Variants in ESS2 observed in about 807,000 individuals in gnomAD.
ESS2 encodes the protein ess-2 spliceosome associated protein.
A neutral mutation model predicts 52.0 loss-of-function variants in ESS2; 31 were observed. The ratio of observed to expected loss-of-function variants is 0.60; its 90% CI spans 0.45 to 0.81. The LOEUF (loss-of-function observed/expected upper bound fraction) is 0.81, where lower values mean the gene tolerates loss of function less well. ESS2 is among the 30% of genes least tolerant of loss of function. The pLI, the probability that ESS2 is intolerant of heterozygous loss-of-function variation, is 0.00. For synonymous variants in ESS2, 285 were observed against 259.2 expected (o/e 1.10, Z -0.95); for missense variants, 602 against 637.2 (o/e 0.94, Z 0.59).
Position 19,134,419 on chromosome 22 carries a change from C to G in ESS2, c.1208G>C (p.Ser403Thr). The G allele has an allele frequency of 1.2e-6, 2 of 1,605,780 alleles. No individual in the cohort carries two copies. Among genetic ancestry groups the G allele is most frequent in the Non-Finnish European group, 1.7e-6 (2 of 1,175,934 alleles). ...GTCTGTGTACTTGCTGGCCGTCCTGCTCACAAGGCGCTGTAGGGCTGGCGA... is the reference window on the plus strand; with the variant it reads ...GTCTGTGTACTTGCTGGCCGTCCTGGTCACAAGGCGCTGTAGGGCTGGCGA... ...AMSPALQRLV[S>T]RTASKYTDRA... Residue 403 changes from serine to threonine, a missense_variant, in exon 10 of 10, where the codon AGC (serine) becomes ACC (threonine). Physicochemically the swap from Ser to Thr is moderately conservative, Grantham distance 58. Transcript: ENST00000252137.
chr22:19,142,921 C>G (rs1370857835), intron 1 of ESS2, 27 bp from the exon 2 acceptor site: 2 of 1,602,096 alleles, frequency 1.2e-6, no homozygotes, highest in Non-Finnish European at 1.7e-6. Context: ...GAATGAAAGT[C>G]AGAGGCCAGG....
In ESS2 at chr22:19,142,794, C is replaced by T. The variant is rs144603309; in HGVS notation, c.236G>A (p.Arg79Gln). The change falls in exon 2 of 10, where the codon CGG becomes CAG. Residue 79 changes from arginine to glutamine, a missense_variant. By Grantham distance (43) the Arg-to-Gln change is conservative. Transcript: ENST00000252137. Reference sequence around the variant, plus strand: ...AAACTTGATGGCAATCTGGCGCATCCGTTCCAAGTCTCCATTCTCCTCGGC... The same window carrying T: ...AAACTTGATGGCAATCTGGCGCATCTGTTCCAAGTCTCCATTCTCCTCGGC... ...LEAEENGDLE[R>Q]MRQIAIKFGS... is the part of the protein sequence containing the mutation. The T allele has an allele frequency of 6.2e-6, 10 of 1,614,048 alleles. No individual in the cohort carries two copies. The highest frequency in any genetic ancestry group is 8.5e-6 in the Non-Finnish European group (10 of 1,180,060).
intron 1 of ESS2, 90 bp downstream of exon 1, chr22:19,144,416 G>T (rs983423209): frequency 4.4e-6 from 7 of 1,587,284 alleles, no homozygotes; most frequent in Non-Finnish European, 6.0e-6. Context: ...ACGAGGAGAC[G>T]GAGTGTCAAC....
In ESS2 at chr22:19,142,650, G is replaced by A. The variant is rs2083709045; in HGVS notation, c.305-17C>T. 4 of 1,611,044 alleles carry A rather than the reference G, an allele frequency of 2.5e-6. No homozygotes were observed. The highest frequency in any genetic ancestry group is 3.4e-6 in the Non-Finnish European group (4 of 1,178,658). On this transcript the variant is annotated splice_polypyrimidine_tract_variant and intron_variant, in intron 2 of 9. Transcript: ENST00000252137. Reference sequence around the variant, plus strand: ...GAGTCACATCTAGGGGAAGAGAGGGGGATAAGAATTAGAGTGAGCCTGAAG... The same window carrying A: ...GAGTCACATCTAGGGGAAGAGAGGGAGATAAGAATTAGAGTGAGCCTGAAG...
In ESS2 at chr22:19,132,402, G is replaced by A; in HGVS notation, c.*1794C>T. ...GCCCGAGAACGAGAACAGGATGGAG[G>A]ACAGGCTGGCCGAGACCTCCAGGGC... On this transcript the variant is annotated 3_prime_UTR_variant, in exon 10 of 10. Coordinates refer to ENST00000252137, the MANE Select transcript of ESS2 (RefSeq NM_022719.3). The surrounding 1 kb of genome is among the most constrained non-coding windows in gnomAD (Gnocchi z 4.2). 6.2e-7 allele frequency: 1 copy of A among 1,613,026 alleles called. No individual in the cohort carries two copies. The highest frequency in any genetic ancestry group is 1.1e-5 in the South Asian group (1 of 91,078).
rs766791880 is a variant in ESS2, at chr22:19,139,244, T to C, written c.737A>G (p.His246Arg). Residue 246 changes from histidine to arginine, a missense_variant, in exon 6 of 10, where the codon CAT becomes CGT. Transcript: ENST00000252137. ...GTCCCTAAGGAAGCGCGTGTTCTTA[T>C]GTACCACCTGCCGGGGCTTCTTAAA... ...QLFKKPRQVV[H>R]KNTRFLRDPF... 6 of 1,608,094 alleles carry C rather than the reference T, an allele frequency of 3.7e-6. No homozygotes were observed. The highest frequency in any genetic ancestry group is 4.5e-5 in the East Asian group (2 of 44,742).
Position 19,131,183 on chromosome 22 carries a change from T to G in ESS2, c.*3013A>C. The G allele has an allele frequency of 3.7e-6, 2 of 541,620 alleles. No homozygotes were observed. Among genetic ancestry groups the G allele is most frequent in the Non-Finnish European group, 6.5e-6 (2 of 306,058 alleles). The allele number at this position is 541,620 out of a possible 1,614,324, so 33.6% of individuals were successfully genotyped here. ...CTGGCTTCCACGGTTCCAGAGACCC[T>G]GTTCTCCCTCAGCCCAGTCCCCGCC... On this transcript the variant is annotated 3_prime_UTR_variant, in exon 10 of 10. Transcript: ENST00000252137. This position sits in a 1 kb window ranked among gnomAD's most constrained non-coding sequence, Gnocchi z 5.7.
chr22:19,143,597 T>A (rs2083731876), intron 1 of ESS2, among the ~76,000 whole-genome samples: 2 of 152,186 alleles, frequency 1.3e-5, no homozygotes, highest in Admixed American at 1.3e-4. Context: ...AGCTCACGCC[T>A]GTAATCCCAG....
chr22:19,136,606 A>C (rs1348055051), intron 8 of ESS2, among the ~76,000 whole-genome samples: 1 of 151,852 alleles, frequency 6.6e-6, no homozygotes, highest in Non-Finnish European at 1.5e-5. Flanking sequence ...TGGCCTGGAG[A>C]CTCGGGAAGC....
rs757230340 is a variant in ESS2 at position 19,132,416 on chromosome 22, G to A, written c.*1780C>T. 1 of 1,612,908 alleles carries A rather than the reference G, an allele frequency of 6.2e-7. No homozygotes were observed. Among genetic ancestry groups the A allele is most frequent in the South Asian group, 1.1e-5 (1 of 91,062 alleles). ...ACAGGATGGAGGACAGGCTGGCCGA[G>A]ACCTCCAGGGCCAAAGACCATCACA... On this transcript the variant is annotated 3_prime_UTR_variant, in exon 10 of 10. Coordinates refer to ENST00000252137, the MANE Select transcript of ESS2 (RefSeq NM_022719.3). This position sits in a 1 kb window ranked among gnomAD's most constrained non-coding sequence, Gnocchi z 4.2.
chr22:19,144,076 A>G, intron 1 of ESS2: 1 of 1,002,284 alleles, frequency 1.0e-6, no homozygotes, highest in Non-Finnish European at 1.2e-6. Flanking sequence ...TCCCCGTTTC[A>G]GCTCCTCCTT....
chr22:19,140,711 C>G (rs2083671850), intron 3 of ESS2, among the ~76,000 whole-genome samples: 1 of 152,204 alleles, frequency 6.6e-6, no homozygotes, highest in Admixed American at 6.5e-5. Context: ...GCTCTGCCTT[C>G]AAGTCTAGTG....
Position 19,133,657 on chromosome 22 carries a change from A to C in ESS2, c.*539T>G, listed in dbSNP as rs1489653428. 1 of 152,540 alleles carries C rather than the reference A, an allele frequency of 6.6e-6. No homozygotes were observed. Among genetic ancestry groups the C allele is most frequent in the Non-Finnish European group, 1.5e-5 (1 of 68,318 alleles). The allele number at this position is 152,540 out of a possible 1,614,324, so 9.4% of individuals were successfully genotyped here. A position where few individuals can be genotyped will look rare whatever the true frequency, so the allele number is the denominator to read the frequency against. On this transcript the variant is annotated 3_prime_UTR_variant, in exon 10 of 10. Transcript: ENST00000252137. Reference sequence around the variant, plus strand: ...GCTGCAGACCTGGGCCCAGAACCGCAGGGGAACCTAAGGGTACAACTTCCA... The same window carrying C: ...GCTGCAGACCTGGGCCCAGAACCGCCGGGGAACCTAAGGGTACAACTTCCA...
At position 19,132,762 on chromosome 22, in the gene ESS2, A is replaced by C; in HGVS notation, c.*1434T>G. On this transcript the variant is annotated 3_prime_UTR_variant, in exon 10 of 10. Transcript: ENST00000252137. The surrounding 1 kb of genome is among the most constrained non-coding windows in gnomAD (Gnocchi z 4.2). ...GACTCAGCCAACCGCCCCACCTGAC[A>C]CACAGTGGTCTCCGGCCTAGGAGCA... 2.4e-6 allele frequency: 1 copy of C among 420,036 alleles called. No homozygotes were observed. The highest frequency in any genetic ancestry group is 4.3e-6 in the Non-Finnish European group (1 of 229,986). 26.0% of individuals were successfully genotyped at this position (420,036 alleles called of 1,614,324 possible).
intron 8 of ESS2, among the ~76,000 whole-genome samples, chr22:19,135,464 A>G (rs1270948445): frequency 2.6e-5 from 4 of 152,158 alleles, no homozygotes; most frequent in Non-Finnish European, 5.9e-5. Flanking sequence ...CAGAGTGAAC[A>G]TCTCTGTCTT....
At position 19,144,633 on chromosome 22, in the gene ESS2, G is replaced by T; in HGVS notation, c.8C>A (p.Thr3Lys). ME[T>K]PGASASSLLL... ...CAAGGACGACGCTGATGCGCCCGGCGTCTCCATCGCTATCCCAGGAAAAAG... is the reference window on the plus strand; with the variant it reads ...CAAGGACGACGCTGATGCGCCCGGCTTCTCCATCGCTATCCCAGGAAAAAG... Residue 3 changes from threonine to lysine, a missense_variant, in exon 1 of 10, where the codon ACG (threonine) becomes AAG (lysine). Transcript: ENST00000252137. 6.6e-7 allele frequency: 1 copy of T among 1,524,284 alleles called. No individual in the cohort carries two copies. The highest frequency in any genetic ancestry group is 8.8e-7 in the Non-Finnish European group (1 of 1,130,618). The allele number at this position is 1,524,284 out of a possible 1,614,324, so 94.4% of individuals were successfully genotyped here.
intron 1 of ESS2, among the ~76,000 whole-genome samples, chr22:19,143,716 C>T (rs1016373361): frequency 1.3e-5 from 2 of 152,116 alleles, no homozygotes; most frequent in African/African-American, 4.8e-5. Flanking sequence ...ATTAGCCGGG[C>T]GTGGTGGCGG....
In ESS2 at chr22:19,139,934, T is replaced by C. The variant is rs1410462491; in HGVS notation, c.491A>G (p.Gln164Arg). 6.2e-7 allele frequency: 1 copy of C among 1,614,064 alleles called. No homozygotes were observed. Among genetic ancestry groups the C allele is most frequent in the Non-Finnish European group, 8.5e-7 (1 of 1,180,040 alleles). The change falls in exon 4 of 10, where the codon CAG becomes CGG. Residue 164 changes from glutamine (Q) to arginine (R), a missense_variant. Transcript: ENST00000252137. ...CTCCTTGGCCACCTCCATGATCTCC[T>C]GGAAGGAGGCATTGTCCTCACTCGT... is the stretch of plus-strand genomic sequence containing the variant. ...RYTSEDNASF[Q>R]EIMEVAKERS...
Position 19,134,420 on chromosome 22 carries a change from T to A in ESS2, c.1207A>T (p.Ser403Cys). 2 of 1,605,620 alleles carry A rather than the reference T, an allele frequency of 1.2e-6. 1 individual carries two copies. Among genetic ancestry groups the A allele is most frequent in the South Asian group, 2.2e-5 (2 of 90,288 alleles). Reference protein sequence around the residue: ...AMSPALQRLVSRTASKYTDRA... With the variant: ...AMSPALQRLVCRTASKYTDRA... The stretch of plus-strand genomic sequence containing the variant: ...TCTGTGTACTTGCTGGCCGTCCTGC[T>A]CACAAGGCGCTGTAGGGCTGGCGAC... The change falls in exon 10 of 10, where the codon AGC becomes TGC. Residue 403 changes from serine to cysteine, a missense_variant. By Grantham distance (112) the Ser-to-Cys change is moderately radical. Transcript: ENST00000252137.
Sources: allele counts gnomAD v4.1 joint callset (sites outside exome capture counted in the v4.1 genomes callset), GRCh38; gene constraint gnomAD v4.1.1; non-coding constraint Gnocchi (gnomAD v3.1); transcripts MANE v1.5; gene names NCBI Gene and HGNC (gene_info 2026-07-23, HGNC 2026-07-21).